ARHGAP15: variants seen among roughly 807,000 people sequenced by gnomAD.
The protein encoded by ARHGAP15 is Rho GTPase activating protein 15.
Under a neutral mutation model 63.7 loss-of-function variants are expected in ARHGAP15, and 51 were observed. The observed-to-expected ratio is 0.80, with a 90% CI of 0.64 to 1.01. The LOEUF (loss-of-function observed/expected upper bound fraction) is 1.01, where lower values mean the gene tolerates loss of function less well. Ranked by LOEUF, ARHGAP15 falls within the 50% of genes least tolerant of loss-of-function variation. The probability of loss-of-function intolerance (pLI) is 0.00; values close to 1 mark genes in which losing one functional copy is unlikely to be tolerated. For missense variants in ARHGAP15, 560 were observed against 564.6 expected (o/e 0.99, Z 0.08); for synonymous variants, 191 against 193.8 (o/e 0.99, Z 0.12).
chr2:143,327,726 G>A (rs896286404), intron 6 of ARHGAP15, among the ~76,000 whole-genome samples: 1 of 152,110 alleles, frequency 6.6e-6, no homozygotes, highest in Non-Finnish European at 1.5e-5. Context: ...AACACCAAAA[G>A]CAATGGCAAC....
At chr2:143,458,909 C>T (rs907151554) in intron 8 of ARHGAP15, among the ~76,000 whole-genome samples, 2 of 152,058 alleles carry the variant, frequency 1.3e-5, no homozygotes, top group African/African-American at 4.8e-5. Context: ...GTCACCTGAC[C>T]TCTTAAATGT....
chr2:143,378,582 G>A (rs368898955), intron 6 of ARHGAP15, among the ~76,000 whole-genome samples: 1 of 152,012 alleles, frequency 6.6e-6, no homozygotes, highest in African/African-American at 2.4e-5. Context: ...AAATCAATGG[G>A]AACTTTGAAT....
At chr2:143,686,178 G>T (rs1339187199) in intron 12 of ARHGAP15, among the ~76,000 whole-genome samples, 1 of 151,898 alleles carries the variant, frequency 6.6e-6, no homozygotes, top group Non-Finnish European at 1.5e-5. Context: ...GGAGGCCGAG[G>T]CAGGCAGATC....
intron 12 of ARHGAP15, among the ~76,000 whole-genome samples, chr2:143,691,039 C>T (rs962222831): frequency 6.6e-5 from 10 of 152,050 alleles, no homozygotes; most frequent in Non-Finnish European, 1.0e-4. Flanking sequence ...GGACAGCGGA[C>T]GGACGTACTC....
At chr2:143,542,588 CAT>C (rs1404703348) in intron 10 of ARHGAP15, among the ~76,000 whole-genome samples, 1 of 145,858 alleles carries the variant, frequency 6.9e-6, no homozygotes, top group Non-Finnish European at 1.5e-5. Context: ...ACATATATAT[CAT>C]ATATGTGTAT....
intron 8 of ARHGAP15, among the ~76,000 whole-genome samples, chr2:143,472,278 T>A (rs1691613707): frequency 6.6e-6 from 1 of 152,032 alleles, no homozygotes; most frequent in Non-Finnish European, 1.5e-5. Flanking sequence ...TTCTATATAT[T>A]TTTTTAAAAT....
chr2:143,368,159 G>A (rs1028026327), intron 6 of ARHGAP15, among the ~76,000 whole-genome samples: 1 of 152,016 alleles, frequency 6.6e-6, no homozygotes, highest in African/African-American at 2.4e-5. Flanking sequence ...TCCTTGAAAA[G>A]CACAAATTTG....
chr2:143,447,403 C>G (rs1690191794), intron 8 of ARHGAP15, among the ~76,000 whole-genome samples: 1 of 152,144 alleles, frequency 6.6e-6, no homozygotes. Flanking sequence ...TATTGAGCCA[C>G]TTATAAGGAG....
At chr2:143,598,429 C>T (rs1052436164) in intron 11 of ARHGAP15, among the ~76,000 whole-genome samples, 1 of 152,134 alleles carries the variant, frequency 6.6e-6, no homozygotes, top group African/African-American at 2.4e-5. Flanking sequence ...TGTTAAAATT[C>T]CGAGGCCATC....
At chr2:143,426,968 G>A (rs1197803281) in intron 6 of ARHGAP15, among the ~76,000 whole-genome samples, 2 of 152,152 alleles carry the variant, frequency 1.3e-5, no homozygotes, top group Admixed American at 6.6e-5. Context: ...GAGCCGGAAG[G>A]CATTCAAGTT....
At chr2:143,489,450 A>G (rs937037388) in intron 9 of ARHGAP15, among the ~76,000 whole-genome samples, 1 of 152,158 alleles carries the variant, frequency 6.6e-6, no homozygotes, top group Non-Finnish European at 1.5e-5. Context: ...ATTTTTTTCC[A>G]CGTACAGATC....
At chr2:143,416,214 C>A (rs558477296) in intron 6 of ARHGAP15, among the ~76,000 whole-genome samples, 1 of 150,280 alleles carries the variant, frequency 6.7e-6, no homozygotes, top group Admixed American at 6.6e-5. Context: ...AACAAACATG[C>A]ACATCCTTCA....
chr2:143,155,350 G>T, intron 1 of ARHGAP15, 127 bp from the exon 2 acceptor site: 1 of 873,560 alleles, frequency 1.1e-6, no homozygotes, highest in Non-Finnish European at 1.7e-6. Flanking sequence ...TTCTTCACTA[G>T]TCAGAGAGGT....
intron 5 of ARHGAP15, among the ~76,000 whole-genome samples, chr2:143,244,578 A>G (rs1181929967): frequency 1.3e-5 from 2 of 152,224 alleles, no homozygotes; most frequent in Non-Finnish European, 2.9e-5. Flanking sequence ...GGAAACTGCC[A>G]CGGATGTAGC....
At chr2:143,294,067 T>C (rs1312012524) in intron 6 of ARHGAP15, among the ~76,000 whole-genome samples, 2 of 152,058 alleles carry the variant, frequency 1.3e-5, no homozygotes, top group African/African-American at 4.8e-5. Flanking sequence ...AATGATCATC[T>C]CCTCTAAGCC....
chr2:143,362,530 C>T (rs535494633), intron 6 of ARHGAP15, among the ~76,000 whole-genome samples: 23 of 152,248 alleles, frequency 1.5e-4, no homozygotes, highest in African/African-American at 5.1e-4. Context: ...TGATTTTATT[C>T]GGGATGAAAA....
chr2:143,718,936 A>G (rs1684927902), intron 13 of ARHGAP15, among the ~76,000 whole-genome samples: 1 of 152,174 alleles, frequency 6.6e-6, no homozygotes, highest in Non-Finnish European at 1.5e-5. Flanking sequence ...CTCATTCTTA[A>G]TCCCCATTTT....
At chr2:143,730,985 G>A (rs564645093) in intron 13 of ARHGAP15, among the ~76,000 whole-genome samples, 4 of 142,082 alleles carry the variant, frequency 2.8e-5, no homozygotes, top group African/African-American at 7.7e-5. Context: ...ACATCTGGGA[G>A]TTTAACCAGA....
intron 11 of ARHGAP15, among the ~76,000 whole-genome samples, chr2:143,586,328 T>C (rs1260303338): frequency 6.6e-6 from 1 of 152,142 alleles, no homozygotes; most frequent in Non-Finnish European, 1.5e-5. Context: ...TTCAAAACTT[T>C]TCTTCTATTA....
Sources: allele counts gnomAD v4.1 joint callset (sites outside exome capture counted in the v4.1 genomes callset), GRCh38; gene constraint gnomAD v4.1.1; transcripts MANE v1.5; gene names NCBI Gene and HGNC (gene_info 2026-07-23, HGNC 2026-07-21).